ITGAE: variants seen among roughly 807,000 people sequenced by gnomAD.
ITGAE encodes integrin subunit alpha E.
ITGAE carries 99 observed loss-of-function variants against 136.5 expected under a neutral mutation model. That is an observed-to-expected ratio of 0.73 (90% CI 0.62 to 0.86). ITGAE has a LOEUF of 0.86. ITGAE is among the 40% of genes least tolerant of loss of function. The pLI, the probability that ITGAE is intolerant of heterozygous loss-of-function variation, is 0.00. For synonymous variants in ITGAE, 613 were observed against 591.8 expected (o/e 1.04, Z -0.52); for missense variants, 1,447 against 1,515.3 (o/e 0.95, Z 0.75).
chr17:3,760,995 A>C lies in ITGAE; in HGVS notation c.598+18T>G, dbSNP rs772867616. ...GGCTCTGATAGACTCAGAGCAACCC[A>C]GATCTGCCTCTTCTCACCAGCTTCC... On this transcript the variant is annotated intron_variant, in intron 6 of 30. Transcript: ENST00000263087. The C allele has an allele frequency of 1.3e-6, 2 of 1,594,242 alleles. No homozygotes were observed. Among genetic ancestry groups the C allele is most frequent in the African/African-American group, 1.3e-5 (1 of 74,922 alleles).
At chr17:3,750,585 G>T in intron 15 of ITGAE, 103 bp from the exon 16 acceptor site, 1 of 1,327,982 alleles carries the variant, frequency 7.5e-7, no homozygotes. Flanking sequence ...GCACCATCCA[G>T]CCCCAGGGAG....
chr17:3,752,088 C>T (rs1483443908), intron 14 of ITGAE, among the ~76,000 whole-genome samples: 2 of 152,022 alleles, frequency 1.3e-5, no homozygotes. Flanking sequence ...CCAGGATGCA[C>T]GCTCGCTGGG....
intron 1 of ITGAE, among the ~76,000 whole-genome samples, chr17:3,795,616 C>G (rs1477533140): frequency 6.6e-6 from 1 of 152,224 alleles, no homozygotes; most frequent in Admixed American, 6.5e-5. Flanking sequence ...GGTTGGTAAA[C>G]AGAGAGAGGC....
At chr17:3,728,685 A>G (rs2051273251) in intron 24 of ITGAE, among the ~76,000 whole-genome samples, 1 of 150,180 alleles carries the variant, frequency 6.7e-6, no homozygotes, top group Admixed American at 6.7e-5. Context: ...CTCTTTTTGA[A>G]TGAACTCGAC....
chr17:3,746,332 G>A (rs189282261), intron 17 of ITGAE, among the ~76,000 whole-genome samples: 130 of 151,396 alleles, frequency 8.6e-4, no homozygotes, highest in Non-Finnish European at 1.6e-3. Context: ...TCCCGGGGCC[G>A]CCTCTCTTAC....
Position 3,798,663 on chromosome 17 carries a change from C to T in ITGAE, c.34+2448G>A, listed in dbSNP as rs779062806. On this transcript the variant is annotated intron_variant, in intron 1 of 30. Transcript: ENST00000263087. This position sits in a 1 kb window ranked among gnomAD's most constrained non-coding sequence, Gnocchi z 4.3. ...GCCCGAGTGCGTGCCACCAGCAGAGCGGGCCCTGGACTTCTGGTTCCTTCT... is the reference window on the plus strand; with the variant it reads ...GCCCGAGTGCGTGCCACCAGCAGAGTGGGCCCTGGACTTCTGGTTCCTTCT... Among the ~76,000 whole-genome samples the T allele has an allele frequency of 7.9e-5, 12 of 152,342 alleles. No homozygotes were observed. The highest frequency in any genetic ancestry group is 3.9e-4 in the East Asian group (2 of 5,184).
chr17:3,717,400 A>C (rs917194963), intron 29 of ITGAE: 2 of 152,268 alleles, frequency 1.3e-5, no homozygotes, highest in African/African-American at 4.8e-5. Context: ...CTACTTGCAG[A>C]GCTCAGCTAT....
rs1268598012 is a variant in ITGAE, at chr17:3,743,726, G to A, written c.2320-109C>T. On this transcript the variant is annotated intron_variant, in intron 18 of 30. Coordinates refer to ENST00000263087, the MANE Select transcript of ITGAE (RefSeq NM_002208.5). ...TTTTCTTTTTTTTTTTTTTTGAGAT[G>A]GAGTCTTGCTCTGTTGCCCAGGCTG... 132 of 967,152 alleles carry A rather than the reference G, an allele frequency of 1.4e-4. 2 individuals are homozygous for A. Among genetic ancestry groups the A allele is most frequent in the Non-Finnish European group, 5.4e-5 (38 of 698,626 alleles). The allele number at this position is 967,152 out of a possible 1,614,324, so 59.9% of individuals were successfully genotyped here. A position where few individuals can be genotyped will look rare whatever the true frequency, so the allele number is the denominator to read the frequency against.
chr17:3,790,512 A>G (rs756777513), intron 1 of ITGAE, among the ~76,000 whole-genome samples: 37 of 59,556 alleles, frequency 6.2e-4, no homozygotes, highest in African/African-American at 7.2e-4. Context: ...TCTCAAACAA[A>G]CACACACACA....
intron 22 of ITGAE, among the ~76,000 whole-genome samples, chr17:3,731,488 C>T (rs144684602): frequency 2.9e-4 from 44 of 151,682 alleles, no homozygotes; most frequent in African/African-American, 8.5e-4. Context: ...ATTACAGGCA[C>T]GCACCACCAC....
At chr17:3,773,527 A>T (rs991757531) in intron 2 of ITGAE, among the ~76,000 whole-genome samples, 1 of 149,844 alleles carries the variant, frequency 6.7e-6, no homozygotes, top group East Asian at 2.0e-4. Flanking sequence ...AGATGAGGAG[A>T]TGCATAAGGC....
chr17:3,796,193 G>GTGTGTGTGGT (rs767439329), intron 1 of ITGAE, among the ~76,000 whole-genome samples: 3 of 148,690 alleles, frequency 2.0e-5, no homozygotes, highest in Admixed American at 1.3e-4. Context: ...GTGTGTGTGT[G>GTGTGTGTGGT]GTGGGGTAGT....
At chr17:3,748,411 C>T (rs2051774646) in intron 16 of ITGAE, among the ~76,000 whole-genome samples, 1 of 152,100 alleles carries the variant, frequency 6.6e-6, no homozygotes, top group Non-Finnish European at 1.5e-5. Flanking sequence ...CTTGGTGAAA[C>T]ATCGTCTCTA....
rs932040112 is a variant in ITGAE, at chr17:3,798,388, A to C, written c.34+2723T>G. 4.6e-5 allele frequency among the ~76,000 whole-genome samples: 7 copies of C among 152,056 alleles called. No individual in the cohort carries two copies. The highest frequency in any genetic ancestry group is 1.0e-4 in the Non-Finnish European group (7 of 67,980). On this transcript the variant is annotated intron_variant, in intron 1 of 30. Coordinates refer to ENST00000263087, the MANE Select transcript of ITGAE (RefSeq NM_002208.5). This position sits in a 1 kb window ranked among gnomAD's most constrained non-coding sequence, Gnocchi z 4.3. ...GGAAGGGAAAGCAACACCAGAGGAG[A>C]CAATCTCCTGCTCCCACTCACACTT...
At chr17:3,759,136 C>CCA (rs2052102438) in intron 8 of ITGAE, among the ~76,000 whole-genome samples, 1 of 135,710 alleles carries the variant, frequency 7.4e-6, no homozygotes, top group Non-Finnish European at 1.6e-5. Context: ...AAAAAAAAAA[C>CCA]AAAAAAAAAA....
rs150393989 is a variant in ITGAE at position 3,740,684 on chromosome 17, C to T, written c.2449-806G>A. On this transcript the variant is annotated intron_variant, in intron 19 of 30. Coordinates refer to ENST00000263087, the MANE Select transcript of ITGAE (RefSeq NM_002208.5). ...AGCCACCGCGCCCGGCCTGGCTAGT[C>T]GTCTCTGTAAGCTAACTATTTCCCT... Among the ~76,000 whole-genome samples, 160 of 152,242 alleles carry T rather than the reference C, an allele frequency of 1.1e-3. No homozygotes were observed. The Middle Eastern group carries it at 0.027, about 26-fold the overall frequency.
In ITGAE at chr17:3,757,479, G is replaced by C. The variant is rs79183904; in HGVS notation, c.1020+227C>G. ...CCGCGGTCCTCCAGGAACCCTCCTT[G>C]GTGTGTTTCCTGTGGCTCTCCCACC... On this transcript the variant is annotated intron_variant, in intron 9 of 30. Coordinates refer to ENST00000263087, the MANE Select transcript of ITGAE (RefSeq NM_002208.5). Among the ~76,000 whole-genome samples the C allele has an allele frequency of 5.9e-5, 9 of 152,268 alleles. No individual in the cohort carries two copies. In the East Asian group the frequency reaches 1.7e-3, roughly 29 times the overall value.
At chr17:3,724,937 T>C (rs2051171801) in intron 26 of ITGAE, 4 of 1,613,672 alleles carry the variant, frequency 2.5e-6, no homozygotes, top group Non-Finnish European at 3.4e-6. Context: ...TGGAGAGAAC[T>C]AGATCAAGCC....
At chr17:3,727,258 CAG>C (rs2051234911) in intron 26 of ITGAE, among the ~76,000 whole-genome samples, 2 of 152,034 alleles carry the variant, frequency 1.3e-5, no homozygotes, top group Non-Finnish European at 2.9e-5. Context: ...AAAAGAGTCT[CAG>C]GGGAGAAGAA....
Sources: gnomAD v4.1 joint callset for allele counts (sites outside exome capture counted in the v4.1 genomes callset) on GRCh38, gnomAD v4.1.1 for gene constraint, Gnocchi (gnomAD v3.1) non-coding constraint, MANE v1.5 for transcripts, NCBI Gene and HGNC (gene_info 2026-07-23, HGNC 2026-07-21) for gene names.